The following PACRG variants were observed in gnomAD, a reference collection of about 807,000 sequenced individuals.
PACRG encodes the protein parkin coregulated, also known as parkin coregulated gene protein.
Under a neutral mutation model 29.7 loss-of-function variants are expected in PACRG, and 29 were observed. The observed-to-expected ratio is 0.98, with a 90% CI of 0.73 to 1.33. PACRG has a LOEUF of 1.33. Ranked by LOEUF, PACRG falls within the 40% of genes most tolerant of loss-of-function variation. PACRG has a pLI of 0.00. For synonymous variants in PACRG, 116 were observed against 118.7 expected (o/e 0.98, Z 0.15); for missense variants, 279 against 316.2 (o/e 0.88, Z 0.89).
chr6:163,208,018 T>C (rs1279101757), intron 4 of PACRG, among the ~76,000 whole-genome samples: 1 of 152,174 alleles, frequency 6.6e-6, no homozygotes, highest in Non-Finnish European at 1.5e-5. Flanking sequence ...GTGGCCTGTT[T>C]GGGGCCACAG....
intron 4 of PACRG, among the ~76,000 whole-genome samples, chr6:163,165,137 G>A (rs1247188851): frequency 6.6e-6 from 1 of 152,204 alleles, no homozygotes; most frequent in African/African-American, 2.4e-5. Flanking sequence ...GTGCTACATG[G>A]TCTCACATAC....
At chr6:162,779,936 A>C (rs913817991) in intron 1 of PACRG, among the ~76,000 whole-genome samples, 1 of 152,174 alleles carries the variant, frequency 6.6e-6, no homozygotes, top group African/African-American at 2.4e-5. Context: ...TGCCTGGGAA[A>C]AGTTTTCAGA....
At chr6:163,165,871 AG>A (rs1367307590) in intron 4 of PACRG, 2 of 350,146 alleles carry the variant, frequency 5.7e-6, no homozygotes, top group Non-Finnish European at 1.1e-5. Flanking sequence ...ATGGGGCGAC[AG>A]GGGGAGAGAA....
intron 2 of PACRG, among the ~76,000 whole-genome samples, chr6:162,947,631 T>TATAATC (rs1799326980): frequency 1.4e-5 from 1 of 71,534 alleles, no homozygotes; most frequent in Non-Finnish European, 2.7e-5. Flanking sequence ...TATATATATA[T>TATAATC]ATATATATAT....
chr6:162,761,417 G>A (rs1192751819), intron 1 of PACRG, among the ~76,000 whole-genome samples: 1 of 152,058 alleles, frequency 6.6e-6, no homozygotes, highest in Non-Finnish European at 1.5e-5. Flanking sequence ...CGATTTATTT[G>A]CTTGTCAGTA....
chr6:162,895,063 C>T (rs1795058353), intron 2 of PACRG, among the ~76,000 whole-genome samples: 1 of 151,970 alleles, frequency 6.6e-6, no homozygotes, highest in South Asian at 2.1e-4. Flanking sequence ...TACAACTTCA[C>T]CTGCCTGGGC....
At chr6:163,295,479 G>A (rs1017621576) in intron 4 of PACRG, among the ~76,000 whole-genome samples, 2 of 152,160 alleles carry the variant, frequency 1.3e-5, no homozygotes, top group Admixed American at 1.3e-4. Context: ...TTGACAATTT[G>A]CTTATCCGTA....
At chr6:162,936,616 C>A (rs1798249444) in intron 2 of PACRG, among the ~76,000 whole-genome samples, 1 of 151,946 alleles carries the variant, frequency 6.6e-6, no homozygotes, top group Non-Finnish European at 1.5e-5. Context: ...GTAAATGATC[C>A]CTTGCCAATT....
intron 2 of PACRG, among the ~76,000 whole-genome samples, chr6:162,973,510 T>G (rs2128162197): frequency 6.6e-6 from 1 of 152,184 alleles, no homozygotes; most frequent in East Asian, 1.9e-4. Context: ...ACTCCCACTC[T>G]TGCTCTGTAG....
chr6:162,783,355 G>T (rs1470062873), intron 1 of PACRG, among the ~76,000 whole-genome samples: 1 of 151,824 alleles, frequency 6.6e-6, no homozygotes, highest in East Asian at 1.9e-4. Flanking sequence ...AAAAATGAAT[G>T]ATATTTTTAG....
chr6:162,774,483 G>T (rs1346727038), intron 1 of PACRG, among the ~76,000 whole-genome samples: 1 of 152,200 alleles, frequency 6.6e-6, no homozygotes, highest in African/African-American at 2.4e-5. Context: ...CTTTCCCATA[G>T]ATCTTTTCTG....
At chr6:163,216,480 A>G (rs557166541) in intron 4 of PACRG, among the ~76,000 whole-genome samples, 1 of 152,350 alleles carries the variant, frequency 6.6e-6, no homozygotes, top group East Asian at 1.9e-4. Context: ...CAGGATTTTT[A>G]AGGAAATATT....
intron 4 of PACRG, among the ~76,000 whole-genome samples, chr6:163,175,869 C>G (rs1163899713): frequency 1.3e-5 from 2 of 152,114 alleles, no homozygotes; most frequent in Non-Finnish European, 2.9e-5. Flanking sequence ...CATAGTGGAT[C>G]AAAAGATAAA....
At chr6:162,945,151 T>C (rs961338345) in intron 2 of PACRG, among the ~76,000 whole-genome samples, 4 of 152,108 alleles carry the variant, frequency 2.6e-5, no homozygotes, top group Non-Finnish European at 5.9e-5. Flanking sequence ...GCAATAAGCC[T>C]TCACATATCA....
At chr6:163,079,941 A>G (rs1250601347) in intron 3 of PACRG, among the ~76,000 whole-genome samples, 4 of 115,804 alleles carry the variant, frequency 3.5e-5, no homozygotes, top group Non-Finnish European at 6.4e-5. Flanking sequence ...TCTGTCGCCC[A>G]GGCTGGAGTG....
At chr6:163,206,812 A>T (rs906182432) in intron 4 of PACRG, among the ~76,000 whole-genome samples, 3 of 98,848 alleles carry the variant, frequency 3.0e-5, no homozygotes, top group Non-Finnish European at 6.0e-5. Flanking sequence ...GTCACAAGTA[A>T]TCTCAAATCC....
At chr6:162,803,176 G>A (rs1786025237) in intron 1 of PACRG, among the ~76,000 whole-genome samples, 2 of 152,180 alleles carry the variant, frequency 1.3e-5, no homozygotes, top group Admixed American at 6.6e-5. Flanking sequence ...GGTTTGTGCT[G>A]AGTCTTGAAG....
At chr6:162,748,320 G>C (rs766685003) in intron 1 of PACRG, among the ~76,000 whole-genome samples, 2 of 151,986 alleles carry the variant, frequency 1.3e-5, no homozygotes, top group Non-Finnish European at 2.9e-5. Flanking sequence ...GTGAAACCCC[G>C]TCTCTAATAA....
intron 2 of PACRG, among the ~76,000 whole-genome samples, chr6:162,958,882 TATAGAGAG>T (rs1159785827): frequency 1.1e-3 from 17 of 15,108 alleles, no homozygotes; most frequent in South Asian, 3.3e-3. Context: ...TATATATATA[TATAGAGAG>T]AGAGAGAGAG....
Sources: gnomAD v4.1 joint callset for allele counts (sites outside exome capture counted in the v4.1 genomes callset) on GRCh38, gnomAD v4.1.1 for gene constraint, MANE v1.5 for transcripts, NCBI Gene and HGNC (gene_info 2026-07-23, HGNC 2026-07-21) for gene names.